The following PCED1B variants were observed in gnomAD, a reference collection of about 807,000 sequenced individuals.
PCED1B encodes the protein PC-esterase domain-containing protein 1B.
For missense variants in PCED1B, 573 were observed against 573.9 expected, an observed-to-expected ratio of 1.00 and a Z score of 0.02; for synonymous variants, 251 against 246.1, an observed-to-expected ratio of 1.02 and a Z score of -0.19.
At chr12:47,186,664 G>A (rs1434867084) in intron 2 of PCED1B, among the ~76,000 whole-genome samples, 1 of 152,156 alleles carries the variant, frequency 6.6e-6, no homozygotes, top group African/African-American at 2.4e-5. Flanking sequence ...CAGAAGCCAG[G>A]AAGAGACAAG....
chr12:47,092,538 A>G (rs1289926928), intron 1 of PCED1B, among the ~76,000 whole-genome samples: 1 of 152,012 alleles, frequency 6.6e-6, no homozygotes, highest in African/African-American at 2.4e-5. Flanking sequence ...TGCATTGGCT[A>G]GACCTCCTTC....
chr12:47,218,200 G>A (rs1288206645), intron 3 of PCED1B, among the ~76,000 whole-genome samples: 5 of 152,200 alleles, frequency 3.3e-5, no homozygotes, highest in East Asian at 1.9e-4. Flanking sequence ...GGCTGGACAC[G>A]GCAGCAGGGA....
Position 47,235,844 on chromosome 12 carries a change from C to A in PCED1B, c.781C>A (p.Pro261Thr). ...GGGTGTGGAGCTGCCCCACCGCCAC[C>A]CCGTGGGCGAGTGGATCAAGAAGAA... Reference protein sequence around the residue: ...AWGVELPHRHPVGEWIKKKKP... With the variant: ...AWGVELPHRHTVGEWIKKKKP... Residue 261 changes from proline (P) to threonine (T), a missense_variant, in exon 4 of 4, where the codon CCC becomes ACC. Pro to Thr is a conservative substitution (Grantham distance 38). Coordinates refer to ENST00000546455, the MANE Select transcript of PCED1B (RefSeq NM_138371.3). 1 of 1,574,736 alleles carries A rather than the reference C, an allele frequency of 6.4e-7. No homozygotes were observed. Among genetic ancestry groups the A allele is most frequent in the Admixed American group, 1.9e-5 (1 of 53,128 alleles).
chr12:47,229,900 G>T (rs1320382885), intron 3 of PCED1B, among the ~76,000 whole-genome samples: 2 of 151,336 alleles, frequency 1.3e-5, no homozygotes, highest in African/African-American at 4.9e-5. Context: ...CTCCCGAGTA[G>T]CTGGGACTAC....
chr12:47,127,655 C>T (rs976948330), intron 2 of PCED1B, among the ~76,000 whole-genome samples: 2 of 152,054 alleles, frequency 1.3e-5, no homozygotes, highest in African/African-American at 4.8e-5. Flanking sequence ...TGAGCCACCA[C>T]ACCCGGCCTC....
chr12:47,130,876 GATT>G (rs1243383427), intron 2 of PCED1B, among the ~76,000 whole-genome samples: 4 of 152,140 alleles, frequency 2.6e-5, no homozygotes, highest in Admixed American at 2.6e-4. Context: ...TACAGATACA[GATT>G]ATTATTCTCA....
chr12:47,134,963 C>T (rs559546332), intron 2 of PCED1B, among the ~76,000 whole-genome samples: 1 of 152,332 alleles, frequency 6.6e-6, no homozygotes, highest in South Asian at 2.1e-4. Flanking sequence ...ACTATATATA[C>T]CCCTTCACTC....
At chr12:47,210,306 C>G (rs2137760279) in intron 2 of PCED1B, 1 of 152,190 alleles carries the variant, frequency 6.6e-6, no homozygotes, top group Admixed American at 6.5e-5. Context: ...TGTCATGATA[C>G]CAAAATATAA....
intron 2 of PCED1B, among the ~76,000 whole-genome samples, chr12:47,134,445 T>C (rs1940262565): frequency 6.6e-6 from 1 of 152,168 alleles, no homozygotes; most frequent in South Asian, 2.1e-4. Flanking sequence ...AAACACAAAA[T>C]ACATGTATCT....
intron 2 of PCED1B, 83 bp downstream of exon 2, chr12:47,104,278 C>G (rs907569042): frequency 1.3e-5 from 2 of 152,156 alleles, no homozygotes; most frequent in East Asian, 3.8e-4. Flanking sequence ...AAAATGAAAA[C>G]CTTAGTTATT....
Position 47,235,688 on chromosome 12 carries a change from T to C in PCED1B, c.625T>C (p.Phe209Leu). The C allele has an allele frequency of 6.2e-7, 1 of 1,613,164 alleles. No individual in the cohort carries two copies. Among genetic ancestry groups the C allele is most frequent in the Non-Finnish European group, 8.5e-7 (1 of 1,179,870 alleles). Residue 209 changes from phenylalanine to leucine, a missense_variant, in exon 4 of 4, where the codon TTC becomes CTC. Physicochemically the swap from Phe to Leu is conservative, Grantham distance 22. Transcript: ENST00000546455. Reference sequence around the variant, plus strand: ...CGCCACCGAGGCACGTAAACATAACTTCGATGTACTGGACTTGCATTTCCA... The same window carrying C: ...CGCCACCGAGGCACGTAAACATAACCTCGATGTACTGGACTTGCATTTCCA... ...HSATEARKHNFDVLDLHFHFR... is the reference protein window; with the variant it reads ...HSATEARKHNLDVLDLHFHFR...
intron 2 of PCED1B, among the ~76,000 whole-genome samples, chr12:47,107,153 C>G (rs1187544737): frequency 6.6e-6 from 1 of 152,168 alleles, no homozygotes; most frequent in East Asian, 1.9e-4. Context: ...CGAGTGTCAA[C>G]CTTGATATTC....
At chr12:47,220,260 C>T (rs548477877) in intron 3 of PCED1B, among the ~76,000 whole-genome samples, 1 of 152,176 alleles carries the variant, frequency 6.6e-6, no homozygotes, top group South Asian at 2.1e-4. Context: ...CAACCTCTGC[C>T]TCCCGGGTTC....
intron 2 of PCED1B, among the ~76,000 whole-genome samples, chr12:47,140,198 C>T (rs1940541783): frequency 6.6e-6 from 1 of 152,154 alleles, no homozygotes; most frequent in Non-Finnish European, 1.5e-5. Flanking sequence ...TGGGTTGATG[C>T]TTTCTGAAAA....
In PCED1B at chr12:47,235,788, A is replaced by T; in HGVS notation, c.725A>T (p.Gln242Leu). ...WNGRVHRCLS[Q>L]LLLAHVADAW... is the part of the protein sequence containing the mutation. ...GGACGTGTGCACCGCTGCCTCTCCC[A>T]GCTGCTGCTGGCCCACGTGGCCGAC... The change falls in exon 4 of 4, where the codon CAG (glutamine) becomes CTG (leucine). Residue 242 changes from glutamine (Q) to leucine (L), a missense_variant. Gln to Leu is a moderately radical substitution (Grantham distance 113, BLOSUM62 -2). Transcript: ENST00000546455. 6.3e-7 allele frequency: 1 copy of T among 1,586,646 alleles called. No individual in the cohort carries two copies. Among genetic ancestry groups the T allele is most frequent in the Non-Finnish European group, 8.6e-7 (1 of 1,166,450 alleles).
At chr12:47,226,939 T>C (rs112925011) in intron 3 of PCED1B, among the ~76,000 whole-genome samples, 4 of 152,172 alleles carry the variant, frequency 2.6e-5, no homozygotes, top group African/African-American at 9.7e-5. Context: ...AGAAGGTTTA[T>C]GTCTCCAAAT....
intron 2 of PCED1B, among the ~76,000 whole-genome samples, chr12:47,205,440 G>GGTAGTCTTGCAAAGACAGT (rs1380472638): frequency 4.6e-5 from 7 of 152,126 alleles, no homozygotes; most frequent in Non-Finnish European, 8.8e-5. Flanking sequence ...TACCTAAGGT[G>GGTAGTCTTGCAAAGACAGT]GTAGTCTTGC....
rs767909620 is a variant in PCED1B at position 47,235,085 on chromosome 12, G to T, written c.22G>T (p.Glu8Ter). The T allele has an allele frequency of 8.5e-6, 13 of 1,527,882 alleles. No homozygotes were observed. In the Admixed American group the frequency reaches 1.7e-4, roughly 20 times the overall value. The allele number at this position is 1,527,882 out of a possible 1,614,324, so 94.6% of individuals were successfully genotyped here. The change falls in exon 4 of 4, where the codon GAA becomes TAA. Residue 8 changes from glutamate (E) to a stop codon, truncating the protein, a stop_gained. Transcript: ENST00000546455. LOFTEE classifies it low-confidence loss of function (END_TRUNC). Reference sequence around the variant, plus strand: ...CGTCATGATCCTTCTGCGGGCCTCCGAAGTGCGGCAGCTGCTTCACAATAA... The same window carrying T: ...CGTCATGATCCTTCTGCGGGCCTCCTAAGTGCGGCAGCTGCTTCACAATAA... MILLRAS[E>*]VRQLLHNKFV...
intron 2 of PCED1B, among the ~76,000 whole-genome samples, chr12:47,178,726 G>C (rs1239066805): frequency 6.6e-6 from 1 of 151,976 alleles, no homozygotes; most frequent in Non-Finnish European, 1.5e-5. Context: ...AATTAGCTGG[G>C]CATGGTGGTG....
Sources: allele counts gnomAD v4.1 joint callset (sites outside exome capture counted in the v4.1 genomes callset), GRCh38; gene constraint gnomAD v4.1.1; transcripts MANE v1.5; gene names NCBI Gene and HGNC (gene_info 2026-07-23, HGNC 2026-07-21).